Variants in STPG2 observed in about 807,000 individuals in gnomAD.
The protein encoded by STPG2 is sperm-tail PG-rich repeat-containing protein 2.
In STPG2, 56 loss-of-function variants were observed where a neutral mutation model predicts 54.2. The ratio of observed to expected loss-of-function variants is 1.03; its 90% CI spans 0.83 to 1.29. STPG2 has a LOEUF of 1.29. Among genes scored for constraint, STPG2 ranks in the 50% most tolerant of loss-of-function variants. The pLI is 0.00. For missense variants in STPG2, 596 were observed against 544.9 expected (o/e 1.09, Z -0.93); for synonymous variants, 200 against 181.8 (o/e 1.10, Z -0.81).
chr4:97,511,238 A>G (rs1223870927), intron 4 of STPG2, among the ~76,000 whole-genome samples: 2 of 152,030 alleles, frequency 1.3e-5, no homozygotes, highest in Admixed American at 6.6e-5. Context: ...TTATGAAGAC[A>G]CAGAAAAGTG....
intron 9 of STPG2, among the ~76,000 whole-genome samples, chr4:97,745,969 A>T (rs1725409955): frequency 6.6e-6 from 1 of 151,260 alleles, no homozygotes; most frequent in Admixed American, 6.6e-5. Context: ...TGTTTGAGCT[A>T]ATTTATCTTT....
chr4:98,097,756 T>G (rs1353051470), intron 5 of STPG2, among the ~76,000 whole-genome samples: 1 of 152,150 alleles, frequency 6.6e-6, no homozygotes, highest in Non-Finnish European at 1.5e-5. Flanking sequence ...TTATTTGAAC[T>G]GATAAATTCA....
At chr4:97,973,146 G>A (rs1274566289) in intron 6 of STPG2, among the ~76,000 whole-genome samples, 1 of 152,168 alleles carries the variant, frequency 6.6e-6, no homozygotes, top group Non-Finnish European at 1.5e-5. Flanking sequence ...TTAGAGACTT[G>A]TTGAATGGCT....
At chr4:97,695,390 C>A (rs759327286) in intron 10 of STPG2, among the ~76,000 whole-genome samples, 1 of 152,172 alleles carries the variant, frequency 6.6e-6, no homozygotes, top group Admixed American at 6.5e-5. Flanking sequence ...CAACATTATA[C>A]TGAATGGGGA....
chr4:97,721,335 T>C (rs1393007792), intron 9 of STPG2, among the ~76,000 whole-genome samples: 4 of 152,154 alleles, frequency 2.6e-5, no homozygotes, highest in Admixed American at 1.3e-4. Flanking sequence ...GCAGCTGTTA[T>C]CTTAATTTCC....
At chr4:97,989,609 T>G (rs1377778363) in intron 5 of STPG2, among the ~76,000 whole-genome samples, 1 of 152,228 alleles carries the variant, frequency 6.6e-6, no homozygotes, top group Non-Finnish European at 1.5e-5. Context: ...TATAATTTTT[T>G]TCTTTCCTTA....
chr4:97,911,720 G>T (rs758696483), intron 8 of STPG2, among the ~76,000 whole-genome samples: 5 of 152,146 alleles, frequency 3.3e-5, no homozygotes, highest in Non-Finnish European at 5.9e-5. Context: ...GGGGAGAAGC[G>T]ACAAAGGTCT....
intron 4 of STPG2, among the ~76,000 whole-genome samples, chr4:97,509,830 G>A (rs1730933845): frequency 6.6e-6 from 1 of 152,146 alleles, no homozygotes; most frequent in Admixed American, 6.6e-5. Context: ...GGGTAAAAAT[G>A]TTATTCAATT....
chr4:97,839,436 CAA>C (rs1213161508), intron 9 of STPG2, among the ~76,000 whole-genome samples: 2 of 151,506 alleles, frequency 1.3e-5, no homozygotes, highest in Non-Finnish European at 3.0e-5. Flanking sequence ...GGAATACAGA[CAA>C]AAAATATCAG....
chr4:98,025,668 A>T (rs535884534), intron 5 of STPG2: 3 of 1,014,442 alleles, frequency 3.0e-6, no homozygotes, highest in Non-Finnish European at 4.6e-6. Flanking sequence ...CTAACAAATT[A>T]TGTTGCAGCG....
At chr4:97,566,527 G>A (rs563481937) in intron 10 of STPG2, among the ~76,000 whole-genome samples, 26 of 152,128 alleles carry the variant, frequency 1.7e-4, no homozygotes, top group East Asian at 5.8e-4. Flanking sequence ...CGTCTTCTGC[G>A]TCGCTCACGC....
intron 9 of STPG2, among the ~76,000 whole-genome samples, chr4:97,814,884 C>T: frequency 6.6e-6 from 1 of 152,034 alleles, no homozygotes; most frequent in East Asian, 1.9e-4. Flanking sequence ...TTGCAGAGAG[C>T]CTATTGTGGG....
chr4:97,598,732 A>T (rs1474557759), intron 10 of STPG2, among the ~76,000 whole-genome samples: 1 of 152,204 alleles, frequency 6.6e-6, no homozygotes, highest in Non-Finnish European at 1.5e-5. Flanking sequence ...CAGAAGATTG[A>T]AATTGGAGCC....
intron 10 of STPG2, among the ~76,000 whole-genome samples, chr4:97,573,675 T>C (rs1390761254): frequency 6.6e-6 from 1 of 152,050 alleles, no homozygotes; most frequent in African/African-American, 2.4e-5. Context: ...AATGAATAAA[T>C]AAATTTTAAA....
At chr4:97,997,590 G>C (rs1735283661) in intron 5 of STPG2, among the ~76,000 whole-genome samples, 1 of 152,170 alleles carries the variant, frequency 6.6e-6, no homozygotes, top group Admixed American at 6.6e-5. Flanking sequence ...ATTTCAATAT[G>C]AGATTTGGGT....
At chr4:97,945,211 C>G (rs2149233896) in intron 7 of STPG2, among the ~76,000 whole-genome samples, 1 of 152,044 alleles carries the variant, frequency 6.6e-6, no homozygotes, top group African/African-American at 2.4e-5. Flanking sequence ...TATTCTCCTC[C>G]CACCCTCCCC....
At position 97,650,083 on chromosome 4, in the gene STPG2, G is replaced by T. The variant is rs551293332; in HGVS notation, c.1320+62616C>A. 1.7e-4 allele frequency among the ~76,000 whole-genome samples: 26 copies of T among 152,126 alleles called. No individual in the cohort carries two copies. In the South Asian group the frequency reaches 5.2e-3, roughly 30 times the overall value. ...CCTCACATGCACAGTTCACAATAGG[G>T]TTCATGCTCCCACAAGAATCTAACA... On this transcript the variant is annotated intron_variant, in intron 10 of 10. Transcript: ENST00000295268.
chr4:98,060,458 G>A (rs1343920623), intron 5 of STPG2, among the ~76,000 whole-genome samples: 1 of 152,124 alleles, frequency 6.6e-6, no homozygotes, highest in African/African-American at 2.4e-5. Context: ...TCACGGATAT[G>A]GAGAATCAAT....
At position 97,712,766 on chromosome 4, in the gene STPG2, A is replaced by G. The variant is rs1304544041; in HGVS notation, c.1253T>C (p.Leu418Ser). Residue 418 changes from leucine to serine, a missense_variant, in exon 10 of 11, where the codon TTA (leucine) becomes TCA (serine). Leu to Ser is a moderately radical substitution (Grantham distance 145, BLOSUM62 -2). Coordinates refer to ENST00000295268, the MANE Select transcript of STPG2 (RefSeq NM_174952.3). The stretch of plus-strand genomic sequence containing the variant: ...AAAGCGCTTTGATGCTTTCACAAAT[A>G]AGGGTATGGGGCAAGATTTCCTTAA... ...PVLRKSCPIP[L>S]FVKASKRFEE... is the part of the protein sequence containing the mutation. 3 of 1,609,344 alleles carry G rather than the reference A, an allele frequency of 1.9e-6. No individual in the cohort carries two copies. Among genetic ancestry groups the G allele is most frequent in the Non-Finnish European group, 2.5e-6 (3 of 1,177,106 alleles).
Sources: gnomAD v4.1 joint callset for allele counts (sites outside exome capture counted in the v4.1 genomes callset) on GRCh38, gnomAD v4.1.1 for gene constraint, MANE v1.5 for transcripts, NCBI Gene and HGNC (gene_info 2026-07-23, HGNC 2026-07-21) for gene names.